Variants in ZNF438 observed in about 807,000 individuals in gnomAD.
ZNF438 encodes the protein zinc finger protein 438.
In ZNF438, 25 loss-of-function variants were observed where a neutral mutation model predicts 38.0. The ratio of observed to expected loss-of-function variants is 0.66; its 90% CI spans 0.48 to 0.92. ZNF438 has a LOEUF of 0.92. ZNF438 is among the 40% of genes least tolerant of loss of function. The probability of loss-of-function intolerance (pLI) is 0.00; values close to 1 mark genes in which losing one functional copy is unlikely to be tolerated. For missense variants in ZNF438, 1,007 were observed against 999.6 expected (o/e 1.01, Z -0.10); for synonymous variants, 372 against 364.1 (o/e 1.02, Z -0.25).
At chr10:30,949,239 T>C (rs1391540581) in intron 1 of ZNF438, among the ~76,000 whole-genome samples, 3 of 151,126 alleles carry the variant, frequency 2.0e-5, no homozygotes, top group African/African-American at 7.3e-5. Flanking sequence ...CTAAAAGAGC[T>C]CCTGAAGGAA....
intron 1 of ZNF438, among the ~76,000 whole-genome samples, chr10:31,025,159 C>CAAAAAAAT (rs1381462670): frequency 6.6e-6 from 1 of 150,928 alleles, no homozygotes; most frequent in South Asian, 2.1e-4. Flanking sequence ...ATTTCTAAAG[C>CAAAAAAAT]AAAAAAATAA....
chr10:30,925,943 A>C (rs1166721483), intron 2 of ZNF438, among the ~76,000 whole-genome samples: 1 of 152,200 alleles, frequency 6.6e-6, no homozygotes, highest in Non-Finnish European at 1.5e-5. Context: ...TTTGAGGGGG[A>C]TGCTGACATT....
intron 1 of ZNF438, among the ~76,000 whole-genome samples, chr10:30,944,432 T>C (rs1467280215): frequency 6.6e-6 from 1 of 152,180 alleles, no homozygotes; most frequent in Non-Finnish European, 1.5e-5. Flanking sequence ...ATATAATTAA[T>C]TGGTCCCTTC....
intron 1 of ZNF438, among the ~76,000 whole-genome samples, chr10:31,004,163 G>A (rs2054909383): frequency 6.6e-6 from 1 of 152,156 alleles, no homozygotes; most frequent in African/African-American, 2.4e-5. Context: ...AGAGCATAGA[G>A]GCCAGAGATG....
At chr10:30,886,110 G>C (rs1395763461) in intron 3 of ZNF438, among the ~76,000 whole-genome samples, 1 of 152,186 alleles carries the variant, frequency 6.6e-6, no homozygotes, top group Non-Finnish European at 1.5e-5. Flanking sequence ...AAGAAGCTGA[G>C]TGAAGCCTTT....
intron 3 of ZNF438, among the ~76,000 whole-genome samples, chr10:30,892,160 ACCAT>A (rs2040768822): frequency 2.0e-5 from 1 of 50,648 alleles, no homozygotes; most frequent in East Asian, 5.9e-4. Context: ...TCACATTTCC[ACCAT>A]TTTTGCTGGG....
chr10:31,017,943 G>A (rs997462852), intron 1 of ZNF438, among the ~76,000 whole-genome samples: 1 of 152,232 alleles, frequency 6.6e-6, no homozygotes, highest in Non-Finnish European at 1.5e-5. Context: ...AAGTGACAAA[G>A]TATGTGGAAC....
chr10:30,971,963 C>T lies in ZNF438; in HGVS notation c.-191-30312G>A, dbSNP rs1029513162. ...AATAAACTACACACAGAAAGTAGAG[C>T]CCTTGATTCTTTTTTTTTTTTTCTG... is the stretch of plus-strand genomic sequence containing the variant. On this transcript the variant is annotated intron_variant, in intron 1 of 5. Coordinates refer to ENST00000413025, the Ensembl canonical transcript of ZNF438. Among the ~76,000 whole-genome samples the T allele has an allele frequency of 3.3e-5, 4 of 122,692 alleles. No homozygotes were observed. The South Asian group carries it at 1.0e-3, about 31-fold the overall frequency. 80.5% of individuals were successfully genotyped at this position (122,692 alleles called of 152,430 possible). A position where few individuals can be genotyped will look rare whatever the true frequency, so the allele number is the denominator to read the frequency against.
At chr10:31,030,984 C>A (rs1477983049) in intron 1 of ZNF438, among the ~76,000 whole-genome samples, 1 of 152,200 alleles carries the variant, frequency 6.6e-6, no homozygotes, top group East Asian at 1.9e-4. Flanking sequence ...ACCCAGACAA[C>A]GGGGGCATTG....
chr10:30,935,554 C>T (rs1211220632), intron 2 of ZNF438, among the ~76,000 whole-genome samples: 1 of 152,188 alleles, frequency 6.6e-6, no homozygotes, highest in Non-Finnish European at 1.5e-5. Context: ...ATGACTCAAA[C>T]ACCTCCCATT....
chr10:30,990,997 T>C (rs1179956684), intron 1 of ZNF438, among the ~76,000 whole-genome samples: 1 of 152,034 alleles, frequency 6.6e-6, no homozygotes, highest in Admixed American at 6.5e-5. Context: ...AACTGGAAAT[T>C]GTTTGAAGAG....
At chr10:31,024,697 G>A (rs2056830591) in intron 1 of ZNF438, among the ~76,000 whole-genome samples, 1 of 152,048 alleles carries the variant, frequency 6.6e-6, no homozygotes, top group African/African-American at 2.4e-5. Context: ...TAACACATAT[G>A]GAAAGTCATT....
rs1260293378 is a variant in ZNF438, at chr10:31,003,802, C to T, written c.-192+28031G>A. Among the ~76,000 whole-genome samples, 3 of 152,086 alleles carry T rather than the reference C, an allele frequency of 2.0e-5. No individual in the cohort carries two copies. The East Asian group carries it at 5.8e-4, about 29-fold the overall frequency. ...TACGTGAGATCATGTCATTTCTTGG[C>T]CCAAAACTCTCTGGTGGCTCCCTAG... is the stretch of plus-strand genomic sequence containing the variant. On this transcript the variant is annotated intron_variant, in intron 1 of 5. Coordinates refer to ENST00000413025, the Ensembl canonical transcript of ZNF438.
chr10:30,993,214 T>C (rs537724318), intron 1 of ZNF438, among the ~76,000 whole-genome samples: 18 of 152,274 alleles, frequency 1.2e-4, no homozygotes, highest in Admixed American at 5.9e-4. Flanking sequence ...TCAGGACAAT[T>C]AGAGAAAGAC....
At chr10:30,954,599 G>A (rs1387035237) in intron 1 of ZNF438, among the ~76,000 whole-genome samples, 5 of 152,098 alleles carry the variant, frequency 3.3e-5, no homozygotes, top group Non-Finnish European at 7.3e-5. Context: ...GTGCACTTTG[G>A]ACTCTTAAAT....
At chr10:30,972,292 A>C (rs533117106) in intron 1 of ZNF438, among the ~76,000 whole-genome samples, 2 of 152,282 alleles carry the variant, frequency 1.3e-5, no homozygotes, top group South Asian at 2.1e-4. Context: ...TAAGACCAAA[A>C]GTTTACCTAT....
intron 1 of ZNF438, among the ~76,000 whole-genome samples, chr10:30,990,857 T>C (rs1228727206): frequency 6.7e-6 from 1 of 149,634 alleles, no homozygotes; most frequent in Non-Finnish European, 1.5e-5. Flanking sequence ...AGATTGAAGA[T>C]ATATCTTTTT....
intron 2 of ZNF438, among the ~76,000 whole-genome samples, chr10:30,933,970 C>A (rs959402355): frequency 1.3e-5 from 2 of 152,060 alleles, no homozygotes; most frequent in Admixed American, 6.5e-5. Flanking sequence ...CATGGTGAAA[C>A]CCCGTCTCTA....
At position 30,947,962 on chromosome 10, in the gene ZNF438, A is replaced by T. The variant is rs185436474; in HGVS notation, c.-191-6311T>A. On this transcript the variant is annotated intron_variant, in intron 1 of 5. Transcript: ENST00000413025. Reference sequence around the variant, plus strand: ...CCAGTACCTCAGATGGAAATGCAGAAATCACCGTCTTCTGCATCGCTCACG... The same window carrying T: ...CCAGTACCTCAGATGGAAATGCAGATATCACCGTCTTCTGCATCGCTCACG... Among the ~76,000 whole-genome samples the T allele has an allele frequency of 2.5e-3, 379 of 152,304 alleles. 1 individual carries two copies. Among genetic ancestry groups the T allele is most frequent in the African/African-American group, 8.6e-3 (356 of 41,566 alleles).
Sources: gnomAD v4.1 joint callset for allele counts (sites outside exome capture counted in the v4.1 genomes callset) on GRCh38, gnomAD v4.1.1 for gene constraint, MANE v1.5 for transcripts, NCBI Gene and HGNC (gene_info 2026-07-23, HGNC 2026-07-21) for gene names.